CDC42BPA: variants seen among roughly 807,000 people sequenced by gnomAD.
CDC42BPA encodes serine/threonine-protein kinase MRCK alpha.
In CDC42BPA, 80 loss-of-function variants were observed where a neutral mutation model predicts 223.5. That is an observed-to-expected ratio of 0.36 (90% CI 0.30 to 0.43). The LOEUF is 0.43. Among genes scored for constraint, CDC42BPA ranks in the 20% least tolerant of loss-of-function variants. The probability of loss-of-function intolerance (pLI) is 1.00; values close to 1 mark genes in which losing one functional copy is unlikely to be tolerated. For synonymous variants in CDC42BPA, 694 were observed against 718.6 expected (o/e 0.97, Z 0.55); for missense variants, 1,743 against 2,099.9 (o/e 0.83, Z 3.32).
In CDC42BPA at chr1:227,317,283, CTTG is replaced by C; in HGVS notation, c.-104_-102del. The C allele has an allele frequency of 7.9e-7, 1 of 1,268,498 alleles. No homozygotes were observed. Among genetic ancestry groups the C allele is most frequent in the Non-Finnish European group, 1.1e-6 (1 of 917,948 alleles). The allele number at this position is 1,268,498 out of a possible 1,614,324, so 78.6% of individuals were successfully genotyped here. On this transcript the variant is annotated 5_prime_UTR_variant, in exon 1 of 37. Coordinates refer to ENST00000366766, the MANE Select transcript of CDC42BPA (RefSeq NM_001394014.1). ...AAGGTATGGTTTTAAAAATAAACCA[CTTG>C]TTATTCAAACAACTGTCATGCAATG... is the stretch of plus-strand genomic sequence containing the variant.
intron 10 of CDC42BPA, among the ~76,000 whole-genome samples, chr1:227,132,851 T>C (rs1427619880): frequency 8.9e-5 from 13 of 145,572 alleles, no homozygotes; most frequent in African/African-American, 2.8e-4. Context: ...GGAGCGTCTC[T>C]GCCCGGCCGC....
At chr1:227,284,959 T>C (rs1340227207) in intron 1 of CDC42BPA, among the ~76,000 whole-genome samples, 1 of 123,466 alleles carries the variant, frequency 8.1e-6, no homozygotes, top group Non-Finnish European at 1.7e-5. Context: ...TGAGACCCCA[T>C]CTCACAAAAA....
chr1:227,269,967 T>C (rs1685692291), intron 1 of CDC42BPA, among the ~76,000 whole-genome samples: 1 of 152,192 alleles, frequency 6.6e-6, no homozygotes, highest in Non-Finnish European at 1.5e-5. Flanking sequence ...ACTCCACTTC[T>C]GAGTATATGT....
chr1:227,044,995 C>G (rs141059187), intron 23 of CDC42BPA, among the ~76,000 whole-genome samples: 2 of 152,288 alleles, frequency 1.3e-5, no homozygotes, highest in Non-Finnish European at 2.9e-5. Context: ...GGAAGCCTTT[C>G]AGCCCCCTTA....
intron 15 of CDC42BPA, among the ~76,000 whole-genome samples, chr1:227,100,633 T>C (rs1684848513): frequency 6.6e-6 from 1 of 151,960 alleles, no homozygotes; most frequent in South Asian, 2.1e-4. Flanking sequence ...GATAGGGTTT[T>C]ACTATGTTGC....
chr1:227,134,527 T>C (rs1658095261), intron 10 of CDC42BPA, among the ~76,000 whole-genome samples: 1 of 152,230 alleles, frequency 6.6e-6, no homozygotes, highest in Non-Finnish European at 1.5e-5. Context: ...TGGATGACCC[T>C]ACTTTGTATG....
intron 2 of CDC42BPA, among the ~76,000 whole-genome samples, chr1:227,242,121 T>C (rs1572581888): frequency 6.6e-6 from 1 of 152,226 alleles, no homozygotes; most frequent in African/African-American, 2.4e-5. Flanking sequence ...TACTGTAATA[T>C]TGGTATATTT....
chr1:227,246,014 C>CA (rs2148173434), intron 2 of CDC42BPA, among the ~76,000 whole-genome samples: 1 of 152,282 alleles, frequency 6.6e-6, no homozygotes, highest in East Asian at 1.9e-4. Flanking sequence ...TTCAGATCCC[C>CA]AAGTCCAGCC....
chr1:227,297,533 G>A (rs566689116), intron 1 of CDC42BPA, among the ~76,000 whole-genome samples: 27 of 152,138 alleles, frequency 1.8e-4, no homozygotes, highest in Admixed American at 1.1e-3. Context: ...TGGAAACAAC[G>A]CAAGTATCCA....
At chr1:227,267,298 C>T (rs545836506) in intron 1 of CDC42BPA, among the ~76,000 whole-genome samples, 2 of 152,158 alleles carry the variant, frequency 1.3e-5, no homozygotes, top group African/African-American at 2.4e-5. Context: ...CATAATTCTA[C>T]AAAATAAAAT....
At chr1:227,235,592 G>GT (rs1678861564) in intron 2 of CDC42BPA, among the ~76,000 whole-genome samples, 1 of 152,122 alleles carries the variant, frequency 6.6e-6, no homozygotes, top group Non-Finnish European at 1.5e-5. Flanking sequence ...TGTTTTGGGG[G>GT]TTAGATAGAG....
intron 21 of CDC42BPA, among the ~76,000 whole-genome samples, chr1:227,057,655 A>T (rs1309199100): frequency 2.6e-5 from 4 of 152,182 alleles, no homozygotes; most frequent in African/African-American, 7.2e-5. Flanking sequence ...GAAAAATTGA[A>T]GGAGGCCAGG....
At position 227,318,115 on chromosome 1, in the gene CDC42BPA, C is replaced by T. The variant is rs1243780751; in HGVS notation, c.-933G>A. On this transcript the variant is annotated 5_prime_UTR_variant, in exon 1 of 37. Coordinates refer to ENST00000366766, the MANE Select transcript of CDC42BPA (RefSeq NM_001394014.1). ...GAGAGCCCGGTCTCCCCGACACCCGCACCGGGCCGCCGCGCCGGAGGCTCC... is the reference window on the plus strand; with the variant it reads ...GAGAGCCCGGTCTCCCCGACACCCGTACCGGGCCGCCGCGCCGGAGGCTCC... 1 of 71,360 alleles carries T rather than the reference C, an allele frequency of 1.4e-5. No homozygotes were observed. 4.4% of individuals were successfully genotyped at this position (71,360 alleles called of 1,614,324 possible).
chr1:227,270,124 T>A (rs1179397090), intron 1 of CDC42BPA, among the ~76,000 whole-genome samples: 1 of 151,994 alleles, frequency 6.6e-6, no homozygotes, highest in Non-Finnish European at 1.5e-5. Context: ...GCAAATAAAA[T>A]GAAGTAGACC....
intron 1 of CDC42BPA, among the ~76,000 whole-genome samples, chr1:227,293,265 T>A (rs1690011825): frequency 6.6e-6 from 1 of 152,126 alleles, no homozygotes; most frequent in Admixed American, 6.6e-5. Context: ...ATATATATAA[T>A]TAAAAACAGT....
intron 1 of CDC42BPA, among the ~76,000 whole-genome samples, chr1:227,300,511 T>C (rs1444195399): frequency 6.6e-6 from 1 of 152,116 alleles, no homozygotes; most frequent in Non-Finnish European, 1.5e-5. Context: ...AACAAAATAA[T>C]GTCTTTTGCA....
intron 1 of CDC42BPA, among the ~76,000 whole-genome samples, chr1:227,316,633 T>C (rs12405363): frequency 0.15 from 22,816 of 152,222 alleles, 2,076 homozygotes; most frequent in African/African-American, 0.24. Flanking sequence ...AGTCTGAATG[T>C]TTCCACCAAT....
At position 227,284,962 on chromosome 1, in the gene CDC42BPA, C is replaced by CAAA. The variant is rs34475633; in HGVS notation, c.179-30808_179-30807insTTT. 5.7e-3 allele frequency among the ~76,000 whole-genome samples: 743 copies of CAAA among 130,260 alleles called. 14 individuals are homozygous for CAAA. Among genetic ancestry groups the CAAA allele is most frequent in the African/African-American group, 0.02 (682 of 34,842 alleles). 85.5% of individuals were successfully genotyped at this position (130,260 alleles called of 152,430 possible). ...TGGGTGACAGAGTGAGACCCCATCTCACAAAAAAAAAAAAATAATCCCCTT... is the reference window on the plus strand; with the variant it reads ...TGGGTGACAGAGTGAGACCCCATCTCAAAACAAAAAAAAAAAAATAATCCCCTT... On this transcript the variant is annotated intron_variant, in intron 1 of 36. Coordinates refer to ENST00000366766, the MANE Select transcript of CDC42BPA (RefSeq NM_001394014.1).
At position 227,317,778 on chromosome 1, in the gene CDC42BPA, G is replaced by A. The variant is rs543494245; in HGVS notation, c.-596C>T. 2.1e-4 allele frequency: 83 copies of A among 398,614 alleles called. 2 individuals are homozygous for A. The South Asian group carries it at 2.8e-3, about 14-fold the overall frequency. The allele number at this position is 398,614 out of a possible 1,614,324, so 24.7% of individuals were successfully genotyped here. On this transcript the variant is annotated 5_prime_UTR_variant, in exon 1 of 37. Transcript: ENST00000366766. ...TTCTCCAGCGGGAAAGGGAGGGGGC[G>A]AGGTCCCTGAAGCAGCCCCTCGGCT...
Sources: allele counts gnomAD v4.1 joint callset (sites outside exome capture counted in the v4.1 genomes callset), GRCh38; gene constraint gnomAD v4.1.1; transcripts MANE v1.5; gene names NCBI Gene and HGNC (gene_info 2026-07-23, HGNC 2026-07-21).